RGL1: variants seen among roughly 807,000 people sequenced by gnomAD.
The protein encoded by RGL1 is ral guanine nucleotide dissociation stimulator like 1, also known as ral guanine nucleotide dissociation stimulator-like 1.
RGL1 carries 24 observed loss-of-function variants against 95.2 expected under a neutral mutation model. The ratio of observed to expected loss-of-function variants is 0.25; its 90% confidence interval spans 0.18 to 0.35. The LOEUF (loss-of-function observed/expected upper bound fraction) is 0.35, where lower values mean the gene tolerates loss of function less well. Ranked by LOEUF, RGL1 falls within the 10% of genes least tolerant of loss-of-function variation. The pLI is 1.00. For synonymous variants in RGL1, 329 were observed against 344.9 expected, an observed-to-expected ratio of 0.95 and a Z score of 0.51; for missense variants, 715 against 936.3, an observed-to-expected ratio of 0.76 and a Z score of 3.08.
In RGL1 at chr1:183,829,503, C is replaced by T. The variant is rs1203291819; in HGVS notation, c.139-18063C>T. On this transcript the variant is annotated intron_variant, in intron 2 of 17. Coordinates refer to ENST00000360851, the MANE Select transcript of RGL1 (RefSeq NM_001297671.3). ...GGAAATTTTGCTCCCATCACTGTTGCTTTCTCCAGTAGTTTTCTAAGTGAA... is the reference window on the plus strand; with the variant it reads ...GGAAATTTTGCTCCCATCACTGTTGTTTTCTCCAGTAGTTTTCTAAGTGAA... Among the ~76,000 whole-genome samples the T allele has an allele frequency of 2.6e-5, 4 of 151,042 alleles. No individual in the cohort carries two copies. In the East Asian group the frequency reaches 7.7e-4, roughly 29 times the overall value.
chr1:183,658,835 C>T (rs1651390764), intron 1 of RGL1, among the ~76,000 whole-genome samples: 1 of 151,842 alleles, frequency 6.6e-6, no homozygotes, highest in Admixed American at 6.6e-5. Context: ...TGACACCTCA[C>T]AGGGCCGGGT....
chr1:183,828,503 C>T (rs570729170), intron 2 of RGL1, among the ~76,000 whole-genome samples: 1 of 152,288 alleles, frequency 6.6e-6, no homozygotes, highest in East Asian at 1.9e-4. Flanking sequence ...ACTCGGCCGT[C>T]TGGTGCTGCT....
Position 183,900,141 on chromosome 1 carries a change from G to A in RGL1, c.1231-9G>A. 1 of 1,610,880 alleles carries A rather than the reference G, an allele frequency of 6.2e-7. No homozygotes were observed. Among genetic ancestry groups the A allele is most frequent in the Non-Finnish European group, 8.5e-7 (1 of 1,177,498 alleles). ...CAATAAAGACAGTTTTGCTTTGGAT[G>A]CTCTTCAGGGTGTGATGCAGGGAAC... On this transcript the variant is annotated splice_polypyrimidine_tract_variant and intron_variant, in intron 10 of 17. Transcript: ENST00000360851.
At chr1:183,878,775 T>C (rs955044842) in intron 4 of RGL1, among the ~76,000 whole-genome samples, 8 of 152,216 alleles carry the variant, frequency 5.3e-5, no homozygotes, top group Admixed American at 3.3e-4. Flanking sequence ...GGGTGTTCTT[T>C]TCAGTGAAAC....
At chr1:183,716,388 C>T (rs943815322) in intron 1 of RGL1, among the ~76,000 whole-genome samples, 1 of 152,206 alleles carries the variant, frequency 6.6e-6, no homozygotes, top group Non-Finnish European at 1.5e-5. Flanking sequence ...TTACAAAGTA[C>T]TGATCAAGTT....
chr1:183,683,944 C>T (rs184672256), intron 1 of RGL1, among the ~76,000 whole-genome samples: 24 of 152,110 alleles, frequency 1.6e-4, no homozygotes, highest in Non-Finnish European at 2.4e-4. Flanking sequence ...TCCTTTCTTC[C>T]GCTTGTTCAA....
chr1:183,648,347 A>G (rs745484538), intron 1 of RGL1: 1 of 1,614,236 alleles, frequency 6.2e-7, no homozygotes, highest in Non-Finnish European at 8.5e-7. Flanking sequence ...TGATGCCTGG[A>G]TACGTAATCA....
Position 183,897,924 on chromosome 1 carries a change from C to T in RGL1, c.1230+27C>T, listed in dbSNP as rs768951393. On this transcript the variant is annotated intron_variant, in intron 10 of 17. Transcript: ENST00000360851. Reference sequence around the variant, plus strand: ...TATGTCTGGCCCTCGTCTTCCCTGACAGCTCACAGAGGAGAAGGGCCGTGT... The same window carrying T: ...TATGTCTGGCCCTCGTCTTCCCTGATAGCTCACAGAGGAGAAGGGCCGTGT... 6 of 1,593,818 alleles carry T rather than the reference C, an allele frequency of 3.8e-6. No individual in the cohort carries two copies. In the Admixed American group the frequency reaches 1.0e-4, roughly 27 times the overall value.
intron 2 of RGL1, among the ~76,000 whole-genome samples, chr1:183,783,995 C>T (rs1478955094): frequency 1.3e-5 from 2 of 152,088 alleles, no homozygotes; most frequent in Non-Finnish European, 2.9e-5. Context: ...GGTACACAAG[C>T]ATATTAAGGA....
intron 2 of RGL1, among the ~76,000 whole-genome samples, chr1:183,766,135 G>T (rs891682556): frequency 8.6e-5 from 13 of 151,876 alleles, no homozygotes; most frequent in Non-Finnish European, 2.9e-5. Context: ...GGCCAGGTGT[G>T]GTGGCTCACA....
chr1:183,760,546 A>G (rs1658598902), intron 2 of RGL1, among the ~76,000 whole-genome samples: 1 of 139,240 alleles, frequency 7.2e-6, no homozygotes, highest in Non-Finnish European at 1.5e-5. Flanking sequence ...AGCCTGGGCC[A>G]TATAGCAAGA....
chr1:183,685,672 T>C (rs148574529), intron 1 of RGL1, among the ~76,000 whole-genome samples: 1 of 152,292 alleles, frequency 6.6e-6, no homozygotes, highest in Admixed American at 6.5e-5. Flanking sequence ...ATCTATAACA[T>C]AATAAGGTAA....
At chr1:183,743,482 G>A (rs1465934120) in intron 2 of RGL1, among the ~76,000 whole-genome samples, 4 of 152,348 alleles carry the variant, frequency 2.6e-5, no homozygotes, top group African/African-American at 7.2e-5. Context: ...TTACCTGGGT[G>A]ATATTCATTA....
At chr1:183,755,827 T>C (rs896444625) in intron 2 of RGL1, among the ~76,000 whole-genome samples, 5 of 151,988 alleles carry the variant, frequency 3.3e-5, no homozygotes, top group East Asian at 1.9e-4. Flanking sequence ...TGGGCACTCA[T>C]AGGTGTGCAT....
At chr1:183,758,315 G>A (rs1013175209) in intron 2 of RGL1, among the ~76,000 whole-genome samples, 1 of 151,882 alleles carries the variant, frequency 6.6e-6, no homozygotes, top group Non-Finnish European at 1.5e-5. Context: ...TCCTGCCTCA[G>A]CCTCCAGAGT....
At chr1:183,657,178 T>G (rs1651229855) in intron 1 of RGL1, among the ~76,000 whole-genome samples, 1 of 152,244 alleles carries the variant, frequency 6.6e-6, no homozygotes. Context: ...ACAATATTAA[T>G]TCTTCCAGTC....
At chr1:183,781,331 T>C (rs947330903) in intron 2 of RGL1, among the ~76,000 whole-genome samples, 1 of 152,188 alleles carries the variant, frequency 6.6e-6, no homozygotes, top group South Asian at 2.1e-4. Flanking sequence ...TGGCTGAAAG[T>C]ATTATGGATT....
intron 1 of RGL1, among the ~76,000 whole-genome samples, chr1:183,734,197 G>T (rs777198193): frequency 2.2e-4 from 33 of 152,232 alleles, no homozygotes; most frequent in Non-Finnish European, 4.4e-4. Flanking sequence ...CTAGATCTTT[G>T]CATTCCTCCC....
At chr1:183,746,330 A>G (rs1168665292) in intron 2 of RGL1, among the ~76,000 whole-genome samples, 1 of 152,080 alleles carries the variant, frequency 6.6e-6, no homozygotes, top group Non-Finnish European at 1.5e-5. Context: ...ACACACACAC[A>G]TGCACACACA....
Sources: allele counts gnomAD v4.1 joint callset (sites outside exome capture counted in the v4.1 genomes callset), GRCh38; gene constraint gnomAD v4.1.1; transcripts MANE v1.5; gene names NCBI Gene and HGNC (gene_info 2026-07-23, HGNC 2026-07-21).